Variants in PLXNA4 observed in about 807,000 individuals in gnomAD.
PLXNA4 encodes plexin-A4.
In PLXNA4, 44 loss-of-function variants were observed where a neutral mutation model predicts 191.8. The ratio of observed to expected loss-of-function variants is 0.23; its 90% CI spans 0.18 to 0.29. The LOEUF (loss-of-function observed/expected upper bound fraction) is 0.29, where lower values mean the gene tolerates loss of function less well. Among genes scored for constraint, PLXNA4 ranks in the 10% least tolerant of loss-of-function variants. The pLI is 1.00. For synonymous variants in PLXNA4, 1,082 were observed against 1,009.5 expected (o/e 1.07, Z -1.36); for missense variants, 1,800 against 2,488.8 (o/e 0.72, Z 5.89).
At chr7:132,372,717 G>T (rs1804497136) in intron 3 of PLXNA4, among the ~76,000 whole-genome samples, 1 of 152,212 alleles carries the variant, frequency 6.6e-6, no homozygotes, top group African/African-American at 2.4e-5. Context: ...CCAGCACCTA[G>T]TAGTGTCTGA....
intron 2 of PLXNA4, among the ~76,000 whole-genome samples, chr7:132,594,094 A>T (rs1254936749): frequency 6.6e-6 from 1 of 152,222 alleles, no homozygotes; most frequent in Non-Finnish European, 1.5e-5. Context: ...CAAAAATCAT[A>T]TGTGAAAGTG....
At chr7:132,373,782 G>A (rs2116909622) in intron 3 of PLXNA4, among the ~76,000 whole-genome samples, 1 of 152,314 alleles carries the variant, frequency 6.6e-6, no homozygotes, top group East Asian at 1.9e-4. Context: ...ACAAAAGAGA[G>A]AAATCTGGGA....
chr7:132,453,251 A>G (rs552469361), intron 3 of PLXNA4, among the ~76,000 whole-genome samples: 1 of 152,294 alleles, frequency 6.6e-6, no homozygotes, highest in African/African-American at 2.4e-5. Context: ...GGCAGGTGGG[A>G]GAGCAGCAAA....
intron 4 of PLXNA4, among the ~76,000 whole-genome samples, chr7:132,244,470 T>C (rs748298543): frequency 6.6e-6 from 1 of 152,218 alleles, no homozygotes; most frequent in Admixed American, 6.5e-5. Context: ...ATATTTCTAT[T>C]TATGATTTAA....
intron 2 of PLXNA4, among the ~76,000 whole-genome samples, chr7:132,586,348 G>A (rs892850201): frequency 9.2e-5 from 14 of 152,204 alleles, no homozygotes; most frequent in African/African-American, 3.1e-4. Context: ...AGAAACTTTT[G>A]CTGAATGTTG....
intron 3 of PLXNA4, among the ~76,000 whole-genome samples, chr7:132,430,430 T>C (rs1412124631): frequency 6.6e-6 from 1 of 151,914 alleles, no homozygotes; most frequent in Non-Finnish European, 1.5e-5. Context: ...TCAAATCCTA[T>C]GCAAGCAGAG....
intron 2 of PLXNA4, among the ~76,000 whole-genome samples, chr7:132,619,001 A>T (rs2116864011): frequency 6.6e-6 from 1 of 152,340 alleles, no homozygotes; most frequent in Admixed American, 6.5e-5. Context: ...GAAATTTTTT[A>T]AATTCATTAG....
chr7:132,509,877 T>C (rs1798638862), intron 1 of PLXNA4, among the ~76,000 whole-genome samples: 1 of 152,248 alleles, frequency 6.6e-6, no homozygotes, highest in Admixed American at 6.5e-5. Flanking sequence ...CTGGGTTCAC[T>C]GCCCAACCCT....
At chr7:132,583,105 G>A (rs1287473101) in intron 2 of PLXNA4, among the ~76,000 whole-genome samples, 1 of 152,170 alleles carries the variant, frequency 6.6e-6, no homozygotes, top group Admixed American at 6.5e-5. Context: ...CCAGAGTATT[G>A]GCCATCAGAG....
chr7:132,477,266 C>T (rs1272483040), intron 3 of PLXNA4, among the ~76,000 whole-genome samples: 1 of 152,170 alleles, frequency 6.6e-6, no homozygotes, highest in African/African-American at 2.4e-5. Flanking sequence ...CACACCAGCC[C>T]CCTCCCCAGG....
chr7:132,414,916 C>T (rs185500152), intron 3 of PLXNA4, among the ~76,000 whole-genome samples: 6 of 152,296 alleles, frequency 3.9e-5, no homozygotes, highest in African/African-American at 9.6e-5. Context: ...TTCTTTCCAA[C>T]GCCAAGGACA....
intron 3 of PLXNA4, chr7:132,385,354 C>T (rs1805082335): frequency 3.3e-6 from 5 of 1,526,804 alleles, no homozygotes; most frequent in Non-Finnish European, 4.4e-6. Flanking sequence ...TGCCCATAAG[C>T]CTCCTTATTC....
At chr7:132,198,069 G>A (rs73499395) in intron 13 of PLXNA4, among the ~76,000 whole-genome samples, 152 of 152,320 alleles carry the variant, frequency 1.0e-3, no homozygotes, top group African/African-American at 3.1e-3. Flanking sequence ...ACAAGCCTCA[G>A]AGTGGGTGTG....
chr7:132,172,576 A>G (rs1796321643), intron 21 of PLXNA4, among the ~76,000 whole-genome samples: 1 of 116,494 alleles, frequency 8.6e-6, no homozygotes, highest in East Asian at 2.1e-4. Context: ...AGGGGCAAGA[A>G]GGGGTTGGAA....
chr7:132,293,128 T>A (rs1283608886), intron 4 of PLXNA4, among the ~76,000 whole-genome samples: 1 of 152,164 alleles, frequency 6.6e-6, no homozygotes, highest in Non-Finnish European at 1.5e-5. Flanking sequence ...ATGCCAAGAA[T>A]GATGAGATGC....
At chr7:132,492,598 C>T (rs1208739788) in intron 2 of PLXNA4, among the ~76,000 whole-genome samples, 1 of 152,196 alleles carries the variant, frequency 6.6e-6, no homozygotes, top group African/African-American at 2.4e-5. Flanking sequence ...TTCATGATTG[C>T]TGAGGTCCCC....
chr7:132,322,184 C>CTGTCTTTTTTT (rs376377991), intron 3 of PLXNA4, among the ~76,000 whole-genome samples: 1,236 of 122,464 alleles, frequency 0.01, 55 homozygotes, highest in African/African-American at 0.035. Flanking sequence ...CCTAAAAGGG[C>CTGTCTTTTTTT]TTTTTTTTTT....
At chr7:132,589,298 C>T (rs1289488021) in intron 2 of PLXNA4, among the ~76,000 whole-genome samples, 1 of 152,064 alleles carries the variant, frequency 6.6e-6, no homozygotes, top group East Asian at 1.9e-4. Flanking sequence ...ATTTAGAATG[C>T]AATTCTTCTT....
intron 3 of PLXNA4, among the ~76,000 whole-genome samples, chr7:132,469,169 AG>A (rs1300371885): frequency 3.3e-5 from 5 of 151,608 alleles, no homozygotes; most frequent in Non-Finnish European, 7.4e-5. Flanking sequence ...AAAAGAAAAA[AG>A]TATTTTAGAT....
Sources: gnomAD v4.1 joint callset for allele counts (sites outside exome capture counted in the v4.1 genomes callset) on GRCh38, gnomAD v4.1.1 for gene constraint, MANE v1.5 for transcripts, NCBI Gene and HGNC (gene_info 2026-07-23, HGNC 2026-07-21) for gene names.